PACSIN1: variants seen among roughly 807,000 people sequenced by gnomAD.
PACSIN1 encodes protein kinase C and casein kinase substrate in neurons protein 1.
In PACSIN1, 15 loss-of-function variants were observed where a neutral mutation model predicts 59.5. The ratio of observed to expected loss-of-function variants is 0.25; its 90% CI spans 0.17 to 0.39. The LOEUF is 0.39. PACSIN1 is among the 10% of genes least tolerant of loss of function. The pLI is 1.00. For synonymous variants in PACSIN1, 210 were observed against 220.6 expected, an observed-to-expected ratio of 0.95 and a Z score of 0.42; for missense variants, 420 against 580.2, an observed-to-expected ratio of 0.72 and a Z score of 2.84.
intron 1 of PACSIN1, among the ~76,000 whole-genome samples, chr6:34,502,463 T>C (rs1438594053): frequency 3.0e-5 from 4 of 131,194 alleles, no homozygotes; most frequent in Non-Finnish European, 6.3e-5. Flanking sequence ...AAGCCATCTT[T>C]TTTTTTTTTT....
intron 1 of PACSIN1, among the ~76,000 whole-genome samples, chr6:34,468,525 C>A (rs1376399690): frequency 6.6e-6 from 1 of 152,254 alleles, no homozygotes; most frequent in Non-Finnish European, 1.5e-5. Flanking sequence ...GGCTGACTCT[C>A]CCTTCTTGCC....
chr6:34,467,466 C>T (rs1766512334), intron 1 of PACSIN1, among the ~76,000 whole-genome samples: 2 of 151,854 alleles, frequency 1.3e-5, no homozygotes, highest in Non-Finnish European at 2.9e-5. Context: ...GGGAGGGGGT[C>T]GAGCCCCTTC....
At chr6:34,527,684 TA>T (rs61312305) in intron 3 of PACSIN1, 196 bp downstream of exon 3, 57,851 of 321,602 alleles carry the variant, frequency 0.18, 2,980 homozygotes, top group African/African-American at 0.37. Flanking sequence ...TAGGTTGAAT[TA>T]AAAAAAAAAA....
At chr6:34,523,704 G>A (rs996839625) in intron 1 of PACSIN1, among the ~76,000 whole-genome samples, 12 of 152,324 alleles carry the variant, frequency 7.9e-5, no homozygotes, top group East Asian at 7.7e-4. Flanking sequence ...AGCAGGTACC[G>A]ACTGCCCTTC....
At chr6:34,512,902 A>G (rs1248089294) in intron 1 of PACSIN1, among the ~76,000 whole-genome samples, 1 of 152,216 alleles carries the variant, frequency 6.6e-6, no homozygotes, top group Non-Finnish European at 1.5e-5. Flanking sequence ...TGCCTTTGTC[A>G]TTGTGGACAA....
chr6:34,490,760 C>T (rs751122660), intron 1 of PACSIN1, among the ~76,000 whole-genome samples: 2 of 152,136 alleles, frequency 1.3e-5, no homozygotes, highest in African/African-American at 2.4e-5. Context: ...CCAGACATGG[C>T]GGAAACCCAA....
chr6:34,527,287 GA>G, intron 2 of PACSIN1, 44 bp from the exon 3 acceptor site: 1 of 1,461,792 alleles, frequency 6.8e-7, no homozygotes, highest in East Asian at 2.7e-5. Flanking sequence ...CGGGGCTGGG[GA>G]CGCTGGGAAC....
At chr6:34,517,859 A>G (rs1191246364) in intron 1 of PACSIN1, among the ~76,000 whole-genome samples, 1 of 152,062 alleles carries the variant, frequency 6.6e-6, no homozygotes, top group Non-Finnish European at 1.5e-5. Context: ...TCAGCCCCAC[A>G]AGGGAGGGGG....
At chr6:34,508,883 T>A (rs1335244388) in intron 1 of PACSIN1, among the ~76,000 whole-genome samples, 1 of 152,180 alleles carries the variant, frequency 6.6e-6, no homozygotes, top group Non-Finnish European at 1.5e-5. Flanking sequence ...AGCTATCCAG[T>A]TATAGGAGTT....
intron 4 of PACSIN1, 38 bp downstream of exon 4, chr6:34,528,915 G>GGC: frequency 1.0e-4 from 65 of 653,126 alleles, no homozygotes; most frequent in East Asian, 3.5e-4. Context: ...GGTGGGGTGG[G>GGC]CCCGTCTGAT....
At chr6:34,482,993 A>T (rs1490465029) in intron 1 of PACSIN1, among the ~76,000 whole-genome samples, 45 of 126,118 alleles carry the variant, frequency 3.6e-4, no homozygotes, top group Middle Eastern at 0.013. Context: ...AGCCAACTCC[A>T]TGTTTAACTT....
Position 34,526,347 on chromosome 6 carries a change from G to C in PACSIN1, c.42G>C (p.Glu14Asp). The C allele has an allele frequency of 6.2e-7, 1 of 1,612,432 alleles. No homozygotes were observed. The highest frequency in any genetic ancestry group is 8.5e-7 in the Non-Finnish European group (1 of 1,179,888). Residue 14 changes from glutamate (E) to aspartate (D), a missense_variant, in exon 2 of 10, where the codon GAG (glutamate) becomes GAC (aspartate). Coordinates refer to ENST00000244458, the MANE Select transcript of PACSIN1 (RefSeq NM_020804.5). Reference protein sequence around the residue: ...SYDEASLAPEETTDSFWEVGN... With the variant: ...SYDEASLAPEDTTDSFWEVGN... ...ATGAGGCCTCACTGGCGCCAGAGGA[G>C]ACCACCGACAGCTTCTGGGAGGTGA...
In PACSIN1 at chr6:34,490,320, G is replaced by A. The variant is rs183303766; in HGVS notation, c.-64+24050G>A. ...AGGCCCAAGGGATCCTCCCACTTAC[G>A]CCTCCCAAAGTGCCAGGATTACAAG... On this transcript the variant is annotated intron_variant, in intron 1 of 9. Transcript: ENST00000244458. 9.0e-4 allele frequency among the ~76,000 whole-genome samples: 124 copies of A among 138,152 alleles called. 1 individual carries two copies. Among genetic ancestry groups the A allele is most frequent in the African/African-American group, 3.2e-3 (117 of 36,154 alleles). The allele number at this position is 138,152 out of a possible 152,430, so 90.6% of individuals were successfully genotyped here. A position where few individuals can be genotyped will look rare whatever the true frequency, so the allele number is the denominator to read the frequency against.
chr6:34,474,573 T>A (rs1441411319), intron 1 of PACSIN1, among the ~76,000 whole-genome samples: 1 of 151,986 alleles, frequency 6.6e-6, no homozygotes, highest in Non-Finnish European at 1.5e-5. Flanking sequence ...GTGGATCACC[T>A]GAGGTCAGGG....
chr6:34,494,917 C>T (rs1274689115), intron 1 of PACSIN1, among the ~76,000 whole-genome samples: 2 of 152,242 alleles, frequency 1.3e-5, no homozygotes, highest in Admixed American at 6.5e-5. Context: ...TGTCTGAACT[C>T]TGGCACCAGT....
Position 34,531,818 on chromosome 6 carries a change from A to G in PACSIN1, c.1225+31A>G. On this transcript the variant is annotated intron_variant, in intron 9 of 9. Transcript: ENST00000244458. The surrounding 1 kb of genome is among the most constrained non-coding windows in gnomAD (Gnocchi z 4.4). ...ACGGCTGGGCGGGGCAGTGCCTGAG[A>G]GAGGCTTGGGCCTGGATTGGGTGTG... is the stretch of plus-strand genomic sequence containing the variant. 1 of 1,534,610 alleles carries G rather than the reference A, an allele frequency of 6.5e-7. No individual in the cohort carries two copies. The highest frequency in any genetic ancestry group is 2.3e-5 in the East Asian group (1 of 43,668).
chr6:34,478,226 A>AT (rs1415221776), intron 1 of PACSIN1, among the ~76,000 whole-genome samples: 2 of 147,024 alleles, frequency 1.4e-5, no homozygotes, highest in Non-Finnish European at 3.0e-5. Context: ...TGCCCAGCTA[A>AT]TTTTTTGTAT....
chr6:34,525,527 C>T lies in PACSIN1; in HGVS notation c.-63-716C>T, dbSNP rs1280097180. Among the ~76,000 whole-genome samples the T allele has an allele frequency of 6.6e-6, 1 of 152,242 alleles. No homozygotes were observed. The highest frequency in any genetic ancestry group is 2.4e-5 in the African/African-American group (1 of 41,460). Reference sequence around the variant, plus strand: ...GTGCCGGGATCCAGCTAGAGGCTGGCAGCTTGTATCAGGGCCAGGCGCAGC... The same window carrying T: ...GTGCCGGGATCCAGCTAGAGGCTGGTAGCTTGTATCAGGGCCAGGCGCAGC... On this transcript the variant is annotated intron_variant, in intron 1 of 9. Coordinates refer to ENST00000244458, the MANE Select transcript of PACSIN1 (RefSeq NM_020804.5). The surrounding 1 kb of genome is among the most constrained non-coding windows in gnomAD (Gnocchi z 4.9).
At chr6:34,495,053 C>T (rs897007616) in intron 1 of PACSIN1, among the ~76,000 whole-genome samples, 9 of 152,170 alleles carry the variant, frequency 5.9e-5, no homozygotes, top group African/African-American at 9.7e-5. Flanking sequence ...CTATTCCCTC[C>T]CTCTGCCAGC....
Sources: allele counts gnomAD v4.1 joint callset (sites outside exome capture counted in the v4.1 genomes callset), GRCh38; gene constraint gnomAD v4.1.1; non-coding constraint Gnocchi (gnomAD v3.1); transcripts MANE v1.5; gene names NCBI Gene and HGNC (gene_info 2026-07-23, HGNC 2026-07-21).